ATRNL1: variants seen among roughly 807,000 people sequenced by gnomAD.
ATRNL1 encodes the protein attractin like 1.
In ATRNL1, 95 loss-of-function variants were observed where a neutral mutation model predicts 182.7. That is an observed-to-expected ratio of 0.52 (90% confidence interval 0.44 to 0.62). The LOEUF (loss-of-function observed/expected upper bound fraction) is 0.62, where lower values mean the gene tolerates loss of function less well. ATRNL1 is among the 20% of genes least tolerant of loss of function. The pLI is 0.00. For synonymous variants in ATRNL1, 576 were observed against 568.3 expected, an observed-to-expected ratio of 1.01 and a Z score of -0.19; for missense variants, 1,471 against 1,679.5, an observed-to-expected ratio of 0.88 and a Z score of 2.17.
chr10:115,924,837 C>G (rs989850254), intron 28 of ATRNL1, among the ~76,000 whole-genome samples: 2 of 152,132 alleles, frequency 1.3e-5, no homozygotes, highest in African/African-American at 4.8e-5. Flanking sequence ...TTACTTTGGG[C>G]AGTATGGCCA....
intron 28 of ATRNL1, among the ~76,000 whole-genome samples, chr10:115,898,565 A>G (rs1431991484): frequency 6.6e-6 from 1 of 152,156 alleles, no homozygotes; most frequent in Admixed American, 6.5e-5. Context: ...GGGGCCAAGC[A>G]TGTGTCTCCT....
At chr10:115,166,662 A>G (rs577616920) in intron 7 of ATRNL1, among the ~76,000 whole-genome samples, 39 of 152,050 alleles carry the variant, frequency 2.6e-4, no homozygotes, top group Non-Finnish European at 5.2e-4. Flanking sequence ...ATGATGTTAA[A>G]TATCTTTTCA....
intron 8 of ATRNL1, among the ~76,000 whole-genome samples, chr10:115,172,863 C>T (rs781809099): frequency 1.3e-5 from 2 of 150,356 alleles, no homozygotes; most frequent in Non-Finnish European, 3.0e-5. Context: ...TTATGATATC[C>T]GGTACTTACT....
chr10:115,200,013 G>C (rs1345050527), intron 8 of ATRNL1, among the ~76,000 whole-genome samples: 1 of 152,038 alleles, frequency 6.6e-6, no homozygotes, highest in East Asian at 1.9e-4. Flanking sequence ...ATTAATGTTT[G>C]CATAGGGTGT....
intron 21 of ATRNL1, among the ~76,000 whole-genome samples, chr10:115,427,784 G>A (rs1554963248): frequency 1.3e-5 from 2 of 151,726 alleles, no homozygotes; most frequent in Non-Finnish European, 2.9e-5. Flanking sequence ...TAATCTATTT[G>A]CTTATTTTTA....
chr10:115,639,910 C>T (rs1251151378), intron 26 of ATRNL1, among the ~76,000 whole-genome samples: 3 of 151,884 alleles, frequency 2.0e-5, no homozygotes, highest in African/African-American at 7.3e-5. Context: ...GCCCATCAAC[C>T]GTCATCTAGG....
chr10:115,845,973 T>C (rs1302724492), intron 27 of ATRNL1, among the ~76,000 whole-genome samples: 4 of 152,104 alleles, frequency 2.6e-5, no homozygotes, highest in Non-Finnish European at 5.9e-5. Context: ...AAACATTTCA[T>C]AGTATTTTTC....
chr10:115,166,522 C>A (rs1266259068), intron 7 of ATRNL1, among the ~76,000 whole-genome samples: 1 of 151,866 alleles, frequency 6.6e-6, no homozygotes, highest in African/African-American at 2.4e-5. Context: ...TACATTTCCA[C>A]CAGCAGTGCA....
chr10:115,620,960 T>C (rs1010316915), intron 26 of ATRNL1, among the ~76,000 whole-genome samples: 8 of 152,126 alleles, frequency 5.3e-5, no homozygotes, highest in Admixed American at 4.6e-4. Flanking sequence ...TTACTCCATT[T>C]CCCCTTTTTT....
intron 19 of ATRNL1, among the ~76,000 whole-genome samples, chr10:115,362,938 G>A (rs1186643190): frequency 6.6e-6 from 1 of 151,922 alleles, no homozygotes; most frequent in Non-Finnish European, 1.5e-5. Context: ...CATTTGGGTT[G>A]GTTCCAAGTC....
At chr10:115,505,980 C>T (rs1160950976) in intron 24 of ATRNL1, among the ~76,000 whole-genome samples, 2 of 151,818 alleles carry the variant, frequency 1.3e-5, no homozygotes, top group Non-Finnish European at 2.9e-5. Flanking sequence ...AAGGCAGAAC[C>T]TTAGCTGTTG....
chr10:115,263,292 C>G (rs1851469036), intron 10 of ATRNL1, among the ~76,000 whole-genome samples: 2 of 151,536 alleles, frequency 1.3e-5, no homozygotes, highest in Non-Finnish European at 3.0e-5. Flanking sequence ...CAAGTCAAAA[C>G]CACAATGATA....
chr10:115,920,123 A>C (rs1402302203), intron 28 of ATRNL1, among the ~76,000 whole-genome samples: 1 of 151,850 alleles, frequency 6.6e-6, no homozygotes, highest in Non-Finnish European at 1.5e-5. Context: ...CTTCCTAACA[A>C]CTCAAAATCT....
intron 1 of ATRNL1, among the ~76,000 whole-genome samples, chr10:115,115,271 G>A (rs1844432838): frequency 6.6e-6 from 1 of 152,150 alleles, no homozygotes; most frequent in East Asian, 1.9e-4. Context: ...TGGTCAAAGG[G>A]TGCAAAGTTT....
Position 115,119,089 on chromosome 10 carries a change from T to A in ATRNL1, c.294-1096T>A, listed in dbSNP as rs1592125253. On this transcript the variant is annotated intron_variant, in intron 1 of 28. Coordinates refer to ENST00000355044, the MANE Select transcript of ATRNL1 (RefSeq NM_207303.4). ...CCTGACATGTAGAAAATGCTTAAGT[T>A]ATTATTACATTTATTTGAGAATATA... Among the ~76,000 whole-genome samples, 5 of 152,282 alleles carry A rather than the reference T, an allele frequency of 3.3e-5. No homozygotes were observed. In the South Asian group the frequency reaches 8.3e-4, roughly 25 times the overall value.
At chr10:115,380,925 T>C (rs1228177984) in intron 19 of ATRNL1, among the ~76,000 whole-genome samples, 4 of 152,244 alleles carry the variant, frequency 2.6e-5, no homozygotes, top group South Asian at 2.1e-4. Context: ...TGCTGGGTTA[T>C]ATGTAAATTT....
chr10:115,150,454 G>T (rs562642176), intron 5 of ATRNL1, among the ~76,000 whole-genome samples: 1 of 151,620 alleles, frequency 6.6e-6, no homozygotes, highest in South Asian at 2.1e-4. Flanking sequence ...CTGCTTTTTT[G>T]ACGTGGGTAC....
At chr10:115,696,896 AGAGCGAGC>A (rs782805986) in intron 26 of ATRNL1, among the ~76,000 whole-genome samples, 3 of 148,406 alleles carry the variant, frequency 2.0e-5, no homozygotes, top group African/African-American at 7.8e-5. Flanking sequence ...AGAGAGAGAG[AGAGCGAGC>A]GAGCTAGGGG....
intron 15 of ATRNL1, among the ~76,000 whole-genome samples, chr10:115,291,425 C>A (rs1852897670): frequency 6.6e-6 from 1 of 152,116 alleles, no homozygotes; most frequent in African/African-American, 2.4e-5. Context: ...TTTTCCTGTT[C>A]AGTATGATGT....
Sources: allele counts gnomAD v4.1 joint callset (sites outside exome capture counted in the v4.1 genomes callset), GRCh38; gene constraint gnomAD v4.1.1; transcripts MANE v1.5; gene names NCBI Gene and HGNC (gene_info 2026-07-23, HGNC 2026-07-21).